Variants in MAGI1 observed in about 807,000 individuals in gnomAD.
MAGI1 encodes the protein membrane associated guanylate kinase, WW and PDZ domain containing 1.
Under a neutral mutation model 139.9 loss-of-function variants are expected in MAGI1, and 58 were observed. The observed-to-expected ratio is 0.41, with a 90% CI of 0.34 to 0.52. The LOEUF (loss-of-function observed/expected upper bound fraction) is 0.52. Ranked by LOEUF, MAGI1 falls within the 20% of genes least tolerant of loss-of-function variation. The pLI, the probability that MAGI1 is intolerant of heterozygous loss-of-function variation, is 0.12. For synonymous variants in MAGI1, 812 were observed against 737.9 expected, an observed-to-expected ratio of 1.10 and a Z score of -1.63; for missense variants, 1,874 against 1,901.6, an observed-to-expected ratio of 0.99 and a Z score of 0.27.
intron 1 of MAGI1, among the ~76,000 whole-genome samples, chr3:65,638,213 G>A (rs977145068): frequency 6.6e-6 from 1 of 152,110 alleles, no homozygotes; most frequent in African/African-American, 2.4e-5. Context: ...GCTGTCATGA[G>A]GACTAAATGA....
chr3:65,878,749 T>C (rs1417826888), intron 1 of MAGI1, among the ~76,000 whole-genome samples: 1 of 152,178 alleles, frequency 6.6e-6, no homozygotes, highest in African/African-American at 2.4e-5. Context: ...CAATGCTGTC[T>C]GCTGGTTACA....
chr3:65,590,584 T>C (rs868065380), intron 2 of MAGI1, among the ~76,000 whole-genome samples: 11 of 152,314 alleles, frequency 7.2e-5, no homozygotes, highest in Admixed American at 3.3e-4. Context: ...AAAGGAGATG[T>C]ACTTTAAAAC....
At chr3:65,915,947 A>G (rs917174340) in intron 1 of MAGI1, among the ~76,000 whole-genome samples, 1 of 150,898 alleles carries the variant, frequency 6.6e-6, no homozygotes, top group African/African-American at 2.4e-5. Context: ...TGTAAGAAAT[A>G]CATATACATT....
At chr3:65,773,902 G>C (rs1278700291) in intron 1 of MAGI1, among the ~76,000 whole-genome samples, 1 of 151,888 alleles carries the variant, frequency 6.6e-6, no homozygotes, top group Non-Finnish European at 1.5e-5. Context: ...CAAGTTACTT[G>C]TGGTTGCTGA....
intron 14 of MAGI1, among the ~76,000 whole-genome samples, chr3:65,387,385 TTTC>T (rs1485463120): frequency 1.5e-4 from 3 of 19,942 alleles, no homozygotes; most frequent in Non-Finnish European, 1.9e-3. Context: ...CCATTTTTTC[TTTC>T]TTTTTTTTTT....
chr3:65,359,016 A>C, intron 22 of MAGI1: 1 of 1,526,992 alleles, frequency 6.5e-7, no homozygotes, highest in Non-Finnish European at 9.1e-7. Context: ...AGCAATGAGG[A>C]AATTAGGCCA....
At chr3:66,025,028 A>G (rs2068174857) in intron 1 of MAGI1, among the ~76,000 whole-genome samples, 1 of 152,244 alleles carries the variant, frequency 6.6e-6, no homozygotes, top group Admixed American at 6.5e-5. Context: ...CATGTGAGCC[A>G]ACAGCTTTAT....
intron 1 of MAGI1, among the ~76,000 whole-genome samples, chr3:65,805,580 A>G (rs1414111009): frequency 3.9e-5 from 6 of 152,200 alleles, no homozygotes; most frequent in Admixed American, 2.6e-4. Context: ...CGGCAATCCC[A>G]TTACTGGGTA....
chr3:65,432,393 G>A (rs1016571746), intron 10 of MAGI1, among the ~76,000 whole-genome samples: 11 of 152,158 alleles, frequency 7.2e-5, no homozygotes, highest in African/African-American at 2.2e-4. Flanking sequence ...CTGGCACCTA[G>A]GAAAGAAAGT....
chr3:65,945,551 T>C (rs1039174339), intron 1 of MAGI1, among the ~76,000 whole-genome samples: 2 of 152,164 alleles, frequency 1.3e-5, no homozygotes, highest in African/African-American at 4.8e-5. Flanking sequence ...TTTAGGAGTA[T>C]GCAGCTGTAA....
intron 1 of MAGI1, among the ~76,000 whole-genome samples, chr3:66,033,294 G>A (rs1305709835): frequency 6.6e-6 from 1 of 152,144 alleles, no homozygotes; most frequent in Admixed American, 6.5e-5. Context: ...AAGGTGCTGG[G>A]ATTACAGGTG....
At chr3:65,580,602 AC>A (rs1240152488) in intron 2 of MAGI1, among the ~76,000 whole-genome samples, 2 of 152,188 alleles carry the variant, frequency 1.3e-5, no homozygotes, top group African/African-American at 2.4e-5. Flanking sequence ...GCTGTACTGA[AC>A]TTTGTGGTAT....
chr3:65,760,180 C>A (rs1559856018), intron 1 of MAGI1, among the ~76,000 whole-genome samples: 1 of 151,948 alleles, frequency 6.6e-6, no homozygotes, highest in Non-Finnish European at 1.5e-5. Flanking sequence ...TCCTCCTCCC[C>A]GTCCTCCTTT....
At chr3:65,977,340 T>C (rs951206541) in intron 1 of MAGI1, among the ~76,000 whole-genome samples, 2 of 152,214 alleles carry the variant, frequency 1.3e-5, no homozygotes, top group South Asian at 4.1e-4. Context: ...CAGGTAAGTA[T>C]GCTTTCAGTG....
chr3:65,921,919 GACACACACACAC>G lies in MAGI1; in HGVS notation c.313+116065_313+116076del, dbSNP rs35532734. Among the ~76,000 whole-genome samples the G allele has an allele frequency of 4.1e-3, 582 of 140,844 alleles. 3 individuals carry two copies. The highest frequency in any genetic ancestry group is 0.013 in the African/African-American group (509 of 37,772). 92.4% of individuals were successfully genotyped at this position (140,844 alleles called of 152,430 possible). ...AGACCCTATCTCCAACCACACACAC[GACACACACACAC>G]ACACACACACACACACACACACACT... is the stretch of plus-strand genomic sequence containing the variant. On this transcript the variant is annotated intron_variant, in intron 1 of 22. Transcript: ENST00000402939.
chr3:65,423,368 G>A (rs978097250), intron 12 of MAGI1, among the ~76,000 whole-genome samples: 4 of 147,564 alleles, frequency 2.7e-5, no homozygotes, highest in African/African-American at 7.5e-5. Context: ...AAAAACACAC[G>A]TGCGTGCACA....
intron 1 of MAGI1, among the ~76,000 whole-genome samples, chr3:65,720,330 C>T (rs147033746): frequency 1.0e-3 from 158 of 152,222 alleles, no homozygotes; most frequent in African/African-American, 3.8e-3. Context: ...CTGTGAAGTA[C>T]CTTACCTGCC....
intron 1 of MAGI1, among the ~76,000 whole-genome samples, chr3:65,803,032 C>A (rs2040616402): frequency 1.3e-5 from 2 of 152,146 alleles, no homozygotes; most frequent in African/African-American, 2.4e-5. Context: ...ACTCCCACCA[C>A]ACTGCTTCAA....
chr3:65,419,738 CT>C lies in MAGI1; in HGVS notation c.2167+9781del, dbSNP rs774230883. ...TTCTGGGGTCATTTTGGCTCCCTCC[CT>C]TTTCCTTTCCTTCAGTTGGGGTCAG... On this transcript the variant is annotated intron_variant, in intron 12 of 22. Coordinates refer to ENST00000402939, the MANE Select transcript of MAGI1 (RefSeq NM_001033057.2). 9.3e-3 allele frequency among the ~76,000 whole-genome samples: 1,423 copies of C among 152,230 alleles called. 9 individuals are homozygous for C. The highest frequency in any genetic ancestry group is 0.014 in the Non-Finnish European group (980 of 68,012).
Sources: allele counts gnomAD v4.1 joint callset (sites outside exome capture counted in the v4.1 genomes callset), GRCh38; gene constraint gnomAD v4.1.1; transcripts MANE v1.5; gene names NCBI Gene and HGNC (gene_info 2026-07-23, HGNC 2026-07-21).